Variants in WDR7 observed in about 807,000 individuals in gnomAD.
The protein encoded by WDR7 is WD repeat-containing protein 7.
In WDR7, 46 loss-of-function variants were observed where a neutral mutation model predicts 169.4. That is an observed-to-expected ratio of 0.27 (90% CI 0.21 to 0.35). The LOEUF (loss-of-function observed/expected upper bound fraction) is 0.35. WDR7 is among the 10% of genes least tolerant of loss of function. The pLI, the probability that WDR7 is intolerant of heterozygous loss-of-function variation, is 1.00. For missense variants in WDR7, 1,534 were observed against 1,859.3 expected, an observed-to-expected ratio of 0.83 and a Z score of 3.22; for synonymous variants, 612 against 666.8, an observed-to-expected ratio of 0.92 and a Z score of 1.27.
chr18:56,903,662 C>T (rs549870869), intron 21 of WDR7, among the ~76,000 whole-genome samples: 10 of 152,118 alleles, frequency 6.6e-5, no homozygotes, highest in African/African-American at 1.7e-4. Flanking sequence ...TCAAGTGATG[C>T]GCACTCCTCG....
intron 26 of WDR7, among the ~76,000 whole-genome samples, chr18:56,982,046 A>G (rs904821880): frequency 6.6e-6 from 1 of 152,182 alleles, no homozygotes; most frequent in Admixed American, 6.5e-5. Flanking sequence ...CAGTGTTAAC[A>G]CTATTATTCT....
At chr18:56,971,382 A>G (rs1208568939) in intron 26 of WDR7, among the ~76,000 whole-genome samples, 2 of 151,624 alleles carry the variant, frequency 1.3e-5, no homozygotes, top group Admixed American at 1.3e-4. Flanking sequence ...TTCATGATTT[A>G]TTATTCATTT....
intron 4 of WDR7, among the ~76,000 whole-genome samples, chr18:56,682,407 T>C (rs1307872436): frequency 2.0e-5 from 3 of 152,228 alleles, no homozygotes; most frequent in African/African-American, 4.8e-5. Flanking sequence ...AAAACAATTA[T>C]CACGAATTCT....
At chr18:56,653,681 C>T (rs577580371) in intron 1 of WDR7, among the ~76,000 whole-genome samples, 1 of 152,254 alleles carries the variant, frequency 6.6e-6, no homozygotes, top group South Asian at 2.1e-4. Context: ...TTTTGTCTCA[C>T]TATTATGTTT....
chr18:56,863,781 T>C (rs2045842908), intron 20 of WDR7, among the ~76,000 whole-genome samples: 1 of 151,820 alleles, frequency 6.6e-6, no homozygotes, highest in South Asian at 2.1e-4. Context: ...AAGAAGTTTG[T>C]CCTTTTCACA....
chr18:56,760,602 AG>A (rs1158690664), intron 16 of WDR7, among the ~76,000 whole-genome samples: 2 of 152,190 alleles, frequency 1.3e-5, no homozygotes, highest in Non-Finnish European at 2.9e-5. Context: ...GATTGTGTCC[AG>A]CATTTGGTGT....
chr18:56,889,832 A>G (rs2046241586), intron 21 of WDR7, among the ~76,000 whole-genome samples: 4 of 152,180 alleles, frequency 2.6e-5, no homozygotes, highest in Admixed American at 2.0e-4. Flanking sequence ...TGCTGTTGCT[A>G]TGGATATGCA....
At chr18:56,678,912 C>T (rs957142261) in intron 2 of WDR7, among the ~76,000 whole-genome samples, 4 of 152,320 alleles carry the variant, frequency 2.6e-5, no homozygotes, top group East Asian at 1.9e-4. Flanking sequence ...CTTTCCCTCA[C>T]ACAAATGGAG....
rs111946239 is a variant in WDR7 at position 57,021,887 on chromosome 18, T to C, written c.4269+1038T>C. On this transcript the variant is annotated intron_variant, in intron 27 of 27. Coordinates refer to ENST00000254442, the MANE Select transcript of WDR7 (RefSeq NM_015285.3). ...CTGGGTGATAGTTGGAAAAAATCAATAGGTAATAAAATGTAAAATGGATAC... is the reference window on the plus strand; with the variant it reads ...CTGGGTGATAGTTGGAAAAAATCAACAGGTAATAAAATGTAAAATGGATAC... Among the ~76,000 whole-genome samples, 274 of 152,288 alleles carry C rather than the reference T, an allele frequency of 1.8e-3. 4 individuals carry two copies. Among genetic ancestry groups the C allele is most frequent in the Middle Eastern group, 6.8e-3 (2 of 294 alleles).
At chr18:56,811,603 T>C (rs1487129170) in intron 19 of WDR7, among the ~76,000 whole-genome samples, 2 of 152,200 alleles carry the variant, frequency 1.3e-5, no homozygotes, top group African/African-American at 2.4e-5. Context: ...AAAAATTTTA[T>C]ACTTTTATGT....
chr18:56,702,506 C>T (rs1402394310), intron 12 of WDR7, among the ~76,000 whole-genome samples: 1 of 152,074 alleles, frequency 6.6e-6, no homozygotes, highest in Non-Finnish European at 1.5e-5. Flanking sequence ...CACTAATCAC[C>T]CAGTATAATA....
At chr18:56,944,616 A>G (rs1437408598) in intron 25 of WDR7, among the ~76,000 whole-genome samples, 1 of 152,174 alleles carries the variant, frequency 6.6e-6, no homozygotes, top group African/African-American at 2.4e-5. Flanking sequence ...ATTTAGTTTT[A>G]AAAATTTTGT....
chr18:57,016,438 A>C (rs934003862), intron 26 of WDR7, among the ~76,000 whole-genome samples: 9 of 152,140 alleles, frequency 5.9e-5, no homozygotes, highest in African/African-American at 1.9e-4. Context: ...TTCCCCCTTA[A>C]AGAAAAAAAA....
intron 20 of WDR7, among the ~76,000 whole-genome samples, chr18:56,876,565 C>T (rs1013935637): frequency 6.6e-6 from 1 of 152,082 alleles, no homozygotes; most frequent in Non-Finnish European, 1.5e-5. Flanking sequence ...TACAATACAT[C>T]ATGAATAAAG....
At chr18:56,793,411 G>T (rs1274425064) in intron 19 of WDR7, among the ~76,000 whole-genome samples, 1 of 152,176 alleles carries the variant, frequency 6.6e-6, no homozygotes, top group African/African-American at 2.4e-5. Context: ...GTTGGATGAA[G>T]TTAAATCTGT....
intron 16 of WDR7, among the ~76,000 whole-genome samples, chr18:56,766,113 T>A (rs34353120): frequency 6.6e-6 from 1 of 152,006 alleles, no homozygotes. Context: ...CTTGTTTGCA[T>A]TAGTTCTAAC....
chr18:56,791,094 T>C (rs1235416230), intron 19 of WDR7, among the ~76,000 whole-genome samples: 1 of 152,208 alleles, frequency 6.6e-6, no homozygotes, highest in Non-Finnish European at 1.5e-5. Flanking sequence ...ATTGCTTGTT[T>C]TAAAAAATTG....
intron 1 of WDR7, among the ~76,000 whole-genome samples, chr18:56,670,195 T>G (rs2025103712): frequency 6.6e-6 from 1 of 152,206 alleles, no homozygotes; most frequent in Non-Finnish European, 1.5e-5. Flanking sequence ...AGTATTTGAT[T>G]GTCATATACT....
intron 20 of WDR7, among the ~76,000 whole-genome samples, chr18:56,860,418 A>G (rs1417988249): frequency 1.3e-5 from 2 of 152,120 alleles, no homozygotes; most frequent in East Asian, 1.9e-4. Context: ...AATTTGATCT[A>G]TGTTTACATC....
Sources: allele counts gnomAD v4.1 joint callset (sites outside exome capture counted in the v4.1 genomes callset), GRCh38; gene constraint gnomAD v4.1.1; transcripts MANE v1.5; gene names NCBI Gene and HGNC (gene_info 2026-07-23, HGNC 2026-07-21).